Variants in TRAF3IP2 observed in about 807,000 individuals in gnomAD.
TRAF3IP2 encodes the protein TRAF3 interacting protein 2.
Under a neutral mutation model 57.9 loss-of-function variants are expected in TRAF3IP2, and 35 were observed. That is an observed-to-expected ratio of 0.60 (90% CI 0.46 to 0.80). The LOEUF is 0.80. Among genes scored for constraint, TRAF3IP2 ranks in the 30% least tolerant of loss-of-function variants. TRAF3IP2 has a pLI of 0.00. For missense variants in TRAF3IP2, 556 were observed against 706.4 expected (o/e 0.79, Z 2.41); for synonymous variants, 251 against 268.9 (o/e 0.93, Z 0.65).
At chr6:111,592,610 C>T (rs1366307714) in intron 1 of TRAF3IP2, among the ~76,000 whole-genome samples, 2 of 152,066 alleles carry the variant, frequency 1.3e-5, no homozygotes, top group Non-Finnish European at 2.9e-5. Flanking sequence ...ATGTATAAAC[C>T]GTGTGGAGGA....
At chr6:111,594,619 TAA>T in intron 1 of TRAF3IP2, 1 of 385,036 alleles carries the variant, frequency 2.6e-6, no homozygotes, top group South Asian at 1.9e-5. Context: ...ATTCTTCAGT[TAA>T]AACTGCTCTG....
chr6:111,563,281 TCC>T (rs1276040007), intron 7 of TRAF3IP2, among the ~76,000 whole-genome samples: 4 of 152,220 alleles, frequency 2.6e-5, no homozygotes, highest in African/African-American at 9.6e-5. Flanking sequence ...TAGGATACCT[TCC>T]AGGGTATGCT....
At chr6:111,563,966 T>A (rs922207261) in intron 7 of TRAF3IP2, among the ~76,000 whole-genome samples, 1 of 152,196 alleles carries the variant, frequency 6.6e-6, no homozygotes, top group Non-Finnish European at 1.5e-5. Flanking sequence ...AGCACAAAGC[T>A]TTCAGTCATC....
At chr6:111,585,766 C>T (rs1384458570) in intron 2 of TRAF3IP2, among the ~76,000 whole-genome samples, 1 of 152,144 alleles carries the variant, frequency 6.6e-6, no homozygotes, top group East Asian at 1.9e-4. Flanking sequence ...GATTTGCTAG[C>T]ATGGTAACTC....
chr6:111,586,349 A>G (rs1274322936), intron 2 of TRAF3IP2, among the ~76,000 whole-genome samples: 2 of 151,930 alleles, frequency 1.3e-5, no homozygotes, highest in Non-Finnish European at 2.9e-5. Flanking sequence ...GGCTCTCTAG[A>G]CTTAATTCTC....
At chr6:111,563,170 T>C in intron 7 of TRAF3IP2, 131 bp from the exon 8 acceptor site, 1 of 664,640 alleles carries the variant, frequency 1.5e-6, no homozygotes, top group Non-Finnish European at 2.6e-6. Flanking sequence ...ACTTAACATT[T>C]TAAGGCCTCC....
chr6:111,584,309 T>C (rs1036614209), intron 2 of TRAF3IP2, among the ~76,000 whole-genome samples: 1 of 152,238 alleles, frequency 6.6e-6, no homozygotes, highest in Admixed American at 6.5e-5. Flanking sequence ...TAAAAAGTTA[T>C]GCCAGTTTAT....
chr6:111,594,908 C>G (rs112856621), intron 1 of TRAF3IP2, among the ~76,000 whole-genome samples: 1 of 152,114 alleles, frequency 6.6e-6, no homozygotes, highest in Non-Finnish European at 1.5e-5. Context: ...AGAGCAAGAA[C>G]CTGTCTCAAA....
chr6:111,591,895 G>A lies in TRAF3IP2; in HGVS notation c.192C>T (p.His64=). The part of the protein sequence containing the change: ...HNSSGDFSQA[H]STLKLANHQR... ...GGTGATTTGCAAGTTTCAGGGTTGA[G>A]TGAGCTTGAGAAAAGTCTCCGGAGG... is the stretch of plus-strand genomic sequence containing the variant. Residue 64 remains histidine, a synonymous_variant, in exon 2 of 9, where the codon CAC becomes CAT. Coordinates refer to ENST00000368761, the MANE Select transcript of TRAF3IP2 (RefSeq NM_147686.4). This position sits in a 1 kb window ranked among gnomAD's most constrained non-coding sequence, Gnocchi z 4.9. 1 of 1,614,246 alleles carries A rather than the reference G, an allele frequency of 6.2e-7. No homozygotes were observed. Among genetic ancestry groups the A allele is most frequent in the Non-Finnish European group, 8.5e-7 (1 of 1,180,048 alleles).
At chr6:111,599,577 G>A (rs1796803812) in intron 1 of TRAF3IP2, among the ~76,000 whole-genome samples, 1 of 151,912 alleles carries the variant, frequency 6.6e-6, no homozygotes, top group Non-Finnish European at 1.5e-5. Context: ...CAAGCCCCTT[G>A]AGCTGCCTCC....
intron 7 of TRAF3IP2, among the ~76,000 whole-genome samples, chr6:111,565,086 C>T (rs1373891664): frequency 6.6e-6 from 1 of 152,182 alleles, no homozygotes; most frequent in Non-Finnish European, 1.5e-5. Context: ...CTCCTGACTC[C>T]CTGGCCTCAC....
intron 8 of TRAF3IP2, among the ~76,000 whole-genome samples, chr6:111,560,917 T>C (rs1480059536): frequency 6.6e-6 from 1 of 152,208 alleles, no homozygotes; most frequent in African/African-American, 2.4e-5. Context: ...GCGCAGTGGC[T>C]CACGCCTGTA....
rs1456809997 is a variant in TRAF3IP2, at chr6:111,559,425, G to A, written c.1678C>T (p.Leu560Phe). 2 of 1,613,784 alleles carry A rather than the reference G, an allele frequency of 1.2e-6. No individual in the cohort carries two copies. Among genetic ancestry groups the A allele is most frequent in the Non-Finnish European group, 1.7e-6 (2 of 1,180,012 alleles). The change falls in exon 9 of 9, where the codon CTT (leucine) becomes TTT (phenylalanine). Residue 560 changes from leucine (L) to phenylalanine (F), a missense_variant. Coordinates refer to ENST00000368761, the MANE Select transcript of TRAF3IP2 (RefSeq NM_147686.4). ...CGGTGTCACAAGGGAACCACCTGAA[G>A]GGTGGGCAGAGGCCCCCGTGGAGGA... ...VAPPRGPLPT[L>F]QVVPL
intron 2 of TRAF3IP2, among the ~76,000 whole-genome samples, chr6:111,590,157 C>A (rs1796460157): frequency 6.6e-6 from 1 of 152,336 alleles, no homozygotes; most frequent in South Asian, 2.1e-4. Flanking sequence ...GCTTCCTGCA[C>A]TGATACATAT....
At chr6:111,580,129 T>A (rs1417487746) in intron 3 of TRAF3IP2, 68 bp downstream of exon 3, 1 of 1,542,124 alleles carries the variant, frequency 6.5e-7, no homozygotes, top group Admixed American at 2.0e-5. Flanking sequence ...TTCTGTTACA[T>A]CTTCATTGCA....
At chr6:111,585,872 T>C (rs1200030619) in intron 2 of TRAF3IP2, among the ~76,000 whole-genome samples, 1 of 152,200 alleles carries the variant, frequency 6.6e-6, no homozygotes, top group East Asian at 1.9e-4. Flanking sequence ...GTCAATCCTG[T>C]GATCTTCTTG....
At chr6:111,597,872 A>T in intron 1 of TRAF3IP2, 1 of 455,836 alleles carries the variant, frequency 2.2e-6, no homozygotes, top group Non-Finnish European at 4.4e-6. Flanking sequence ...TAACTCTGGC[A>T]TGACCTTTGC....
chr6:111,591,252 A>G lies in TRAF3IP2; in HGVS notation c.829+6T>C, dbSNP rs1193086860. The G allele has an allele frequency of 1.3e-6, 2 of 1,482,870 alleles. No homozygotes were observed. The highest frequency in any genetic ancestry group is 1.8e-6 in the Non-Finnish European group (2 of 1,115,066). The allele number at this position is 1,482,870 out of a possible 1,614,324, so 91.9% of individuals were successfully genotyped here. A position where few individuals can be genotyped will look rare whatever the true frequency, so the allele number is the denominator to read the frequency against. On this transcript the variant is annotated splice_donor_region_variant and intron_variant, in intron 2 of 8. Coordinates refer to ENST00000368761, the MANE Select transcript of TRAF3IP2 (RefSeq NM_147686.4). This position sits in a 1 kb window ranked among gnomAD's most constrained non-coding sequence, Gnocchi z 4.9. ...AGAATGCCCAGAGGAGGTAAAGATC[A>G]CTTACATGGCACCTGGTGATCGGGA...
chr6:111,583,467 C>T (rs905775527), intron 2 of TRAF3IP2, among the ~76,000 whole-genome samples: 3 of 152,180 alleles, frequency 2.0e-5, no homozygotes, highest in Non-Finnish European at 2.9e-5. Flanking sequence ...ACCGCCTGAG[C>T]TCTGCCTCCT....
Sources: gnomAD v4.1 joint callset for allele counts (sites outside exome capture counted in the v4.1 genomes callset) on GRCh38, gnomAD v4.1.1 for gene constraint, Gnocchi (gnomAD v3.1) non-coding constraint, MANE v1.5 for transcripts, NCBI Gene and HGNC (gene_info 2026-07-23, HGNC 2026-07-21) for gene names.